The following KCTD8 variants were observed in gnomAD, a reference collection of about 807,000 sequenced individuals.
KCTD8 encodes the protein potassium channel tetramerization domain containing 8, also known as BTB/POZ domain-containing protein KCTD8.
In KCTD8, 27 loss-of-function variants were observed where a neutral mutation model predicts 31.5. The ratio of observed to expected loss-of-function variants is 0.86; its 90% CI spans 0.63 to 1.18. The LOEUF is 1.18. Ranked by LOEUF, KCTD8 falls within the 50% of genes most tolerant of loss-of-function variation. The pLI is 0.00. For missense variants in KCTD8, 658 were observed against 647.7 expected (o/e 1.02, Z -0.17); for synonymous variants, 290 against 280.0 (o/e 1.04, Z -0.36).
At chr4:44,445,306 C>T (rs369962918) in intron 1 of KCTD8, among the ~76,000 whole-genome samples, 33 of 152,246 alleles carry the variant, frequency 2.2e-4, no homozygotes, top group Admixed American at 1.5e-3. Flanking sequence ...GGTTGATCAA[C>T]GACTAGCTTA....
chr4:44,447,709 T>A lies in KCTD8; in HGVS notation c.815A>T (p.Lys272Met). 1 of 1,612,444 alleles carries A rather than the reference T, an allele frequency of 6.2e-7. No homozygotes were observed. Among genetic ancestry groups the A allele is most frequent in the South Asian group, 1.1e-5 (1 of 90,748 alleles). Residue 272 changes from lysine (K) to methionine (M), a missense_variant, in exon 1 of 2, where the codon AAG (lysine) becomes ATG (methionine). Physicochemically the swap from Lys to Met is moderately conservative, Grantham distance 95. Transcript: ENST00000360029. ...PEKYTSRFYL[K>M]FTYLEQAFDR... ...AAAGGCCTGCTCCAAGTAGGTGAAC[T>A]TGAGGTAGAAGCGGGACGTGTACTT...
chr4:44,185,096 T>C (rs1465668011), intron 1 of KCTD8, among the ~76,000 whole-genome samples: 2 of 152,236 alleles, frequency 1.3e-5, no homozygotes, highest in South Asian at 4.1e-4. Context: ...AGAAGAGGTT[T>C]CCAAAAATAA....
chr4:44,371,264 T>C (rs1427704889), intron 1 of KCTD8, among the ~76,000 whole-genome samples: 2 of 152,208 alleles, frequency 1.3e-5, no homozygotes, highest in African/African-American at 2.4e-5. Flanking sequence ...GCTCAACCTT[T>C]TCAAATGCTA....
chr4:44,446,607 G>A (rs1165289761), intron 1 of KCTD8, among the ~76,000 whole-genome samples: 2 of 151,868 alleles, frequency 1.3e-5, no homozygotes, highest in Non-Finnish European at 2.9e-5. Context: ...CACATAGCCC[G>A]CTCCGGAAGC....
chr4:44,196,269 A>C (rs1713939312), intron 1 of KCTD8, among the ~76,000 whole-genome samples: 1 of 152,350 alleles, frequency 6.6e-6, no homozygotes, highest in Middle Eastern at 3.4e-3. Flanking sequence ...TTCTTTACCT[A>C]CCAGTAAGCC....
chr4:44,447,517 A>G, intron 1 of KCTD8, 46 bp downstream of exon 1: 1 of 1,476,160 alleles, frequency 6.8e-7, no homozygotes, highest in South Asian at 1.4e-5. Flanking sequence ...GCGGCGGCTC[A>G]GCAGGGGGCG....
chr4:44,411,341 G>A (rs1720948902), intron 1 of KCTD8, among the ~76,000 whole-genome samples: 1 of 135,154 alleles, frequency 7.4e-6, no homozygotes, highest in African/African-American at 2.8e-5. Flanking sequence ...ATGTGCCACT[G>A]CACTCCAACT....
intron 1 of KCTD8, among the ~76,000 whole-genome samples, chr4:44,354,108 A>C (rs1719283883): frequency 6.6e-6 from 1 of 152,098 alleles, no homozygotes; most frequent in African/African-American, 2.4e-5. Flanking sequence ...TTTTTGCAAT[A>C]ACATATGTAT....
intron 1 of KCTD8, among the ~76,000 whole-genome samples, chr4:44,207,200 C>CAGTA (rs1043150651): frequency 2.6e-5 from 4 of 152,228 alleles, no homozygotes; most frequent in Non-Finnish European, 5.9e-5. Context: ...TGCCTGCACC[C>CAGTA]AGTAAGTATT....
At chr4:44,197,322 T>A (rs1388020981) in intron 1 of KCTD8, among the ~76,000 whole-genome samples, 1 of 152,058 alleles carries the variant, frequency 6.6e-6, no homozygotes, top group Non-Finnish European at 1.5e-5. Flanking sequence ...CCCTGGCCCC[T>A]GCCTGAGGGA....
In KCTD8 at chr4:44,324,062, AC is replaced by A. The variant is rs1013640931; in HGVS notation, c.961+123500del. Among the ~76,000 whole-genome samples, 33 of 150,796 alleles carry A rather than the reference AC, an allele frequency of 2.2e-4. 1 individual carries two copies. Among genetic ancestry groups the A allele is most frequent in the African/African-American group, 6.6e-4 (27 of 40,772 alleles). ...GTATAATTAAAAAAAAAAAAACAAA[AC>A]AAAACAAAACAAAAAAAAAAGGAAA... On this transcript the variant is annotated intron_variant, in intron 1 of 1. Transcript: ENST00000360029.
chr4:44,278,931 T>G (rs1168684435), intron 1 of KCTD8, among the ~76,000 whole-genome samples: 1 of 152,088 alleles, frequency 6.6e-6, no homozygotes, highest in Non-Finnish European at 1.5e-5. Flanking sequence ...TATCTATTTT[T>G]ATTTCTTGCA....
At chr4:44,312,295 C>A (rs932120792) in intron 1 of KCTD8, among the ~76,000 whole-genome samples, 8 of 151,748 alleles carry the variant, frequency 5.3e-5, no homozygotes, top group African/African-American at 1.9e-4. Flanking sequence ...CTTGAAAGGA[C>A]TATTAAATTG....
At position 44,293,385 on chromosome 4, in the gene KCTD8, T is replaced by C. The variant is rs143152736; in HGVS notation, c.962-118135A>G. 406 of 442,030 alleles carry C rather than the reference T, an allele frequency of 9.2e-4. 2 individuals carry two copies. Among genetic ancestry groups the C allele is most frequent in the African/African-American group, 7.1e-3 (351 of 49,330 alleles). The allele number at this position is 442,030 out of a possible 1,614,324, so 27.4% of individuals were successfully genotyped here. On this transcript the variant is annotated intron_variant, in intron 1 of 1. Coordinates refer to ENST00000360029, the MANE Select transcript of KCTD8 (RefSeq NM_198353.3). Reference sequence around the variant, plus strand: ...AGATTAATTTATCTGCCATACTTAATGGAGAGTATTAACCTTACCTGCTGC... The same window carrying C: ...AGATTAATTTATCTGCCATACTTAACGGAGAGTATTAACCTTACCTGCTGC...
intron 1 of KCTD8, among the ~76,000 whole-genome samples, chr4:44,403,806 A>C (rs66900777): frequency 0.078 from 11,800 of 152,242 alleles, 485 homozygotes; most frequent in South Asian, 0.14. Flanking sequence ...CATAACAGGT[A>C]CTAAGAGTAC....
At chr4:44,354,169 A>G (rs75088502) in intron 1 of KCTD8, among the ~76,000 whole-genome samples, 10,503 of 152,196 alleles carry the variant, frequency 0.069, 455 homozygotes, top group South Asian at 0.11. Context: ...TCTATGATAA[A>G]TTTTAATCAT....
intron 1 of KCTD8, among the ~76,000 whole-genome samples, chr4:44,417,133 G>A (rs541288782): frequency 6.6e-6 from 1 of 152,332 alleles, no homozygotes; most frequent in Non-Finnish European, 1.5e-5. Flanking sequence ...TCAAAGCCCA[G>A]AGTTCTAAAC....
At chr4:44,432,025 C>T (rs894696228) in intron 1 of KCTD8, among the ~76,000 whole-genome samples, 1 of 151,444 alleles carries the variant, frequency 6.6e-6, no homozygotes, top group Non-Finnish European at 1.5e-5. Flanking sequence ...ATTCCTTTCC[C>T]CCTATATCTA....
intron 1 of KCTD8, among the ~76,000 whole-genome samples, chr4:44,214,743 A>G (rs534548265): frequency 3.5e-4 from 54 of 152,344 alleles, no homozygotes; most frequent in Admixed American, 4.6e-4. Context: ...CTTTGAAACA[A>G]AGTCGGTAAC....
Sources: gnomAD v4.1 joint callset for allele counts (sites outside exome capture counted in the v4.1 genomes callset) on GRCh38, gnomAD v4.1.1 for gene constraint, MANE v1.5 for transcripts, NCBI Gene and HGNC (gene_info 2026-07-23, HGNC 2026-07-21) for gene names.